The following ACSM2A variants were observed in gnomAD, a reference collection of about 807,000 sequenced individuals.
ACSM2A encodes acyl-CoA synthetase medium chain family member 2A.
Under a neutral mutation model 76.6 loss-of-function variants are expected in ACSM2A, and 72 were observed. The observed-to-expected ratio is 0.94, with a 90% CI of 0.78 to 1.14. The LOEUF is 1.14. Among genes scored for constraint, ACSM2A ranks in the 50% most tolerant of loss-of-function variants. The pLI is 0.00. For missense variants in ACSM2A, 684 were observed against 708.5 expected (o/e 0.97, Z 0.39); for synonymous variants, 249 against 255.9 (o/e 0.97, Z 0.26).
At chr16:20,458,366 A>T (rs1363556346) in intron 1 of ACSM2A, among the ~76,000 whole-genome samples, 1 of 147,330 alleles carries the variant, frequency 6.8e-6, no homozygotes, top group African/African-American at 2.5e-5. Flanking sequence ...ATATCTAGAT[A>T]TATATGTATT....
At chr16:20,473,989 A>G (rs2013573937) in intron 6 of ACSM2A, 1 of 445,786 alleles carries the variant, frequency 2.2e-6, no homozygotes, top group Non-Finnish European at 4.5e-6. Flanking sequence ...ATTGTCAACC[A>G]GAAAAATTTA....
At chr16:20,469,413 C>A (rs1724910176) in intron 3 of ACSM2A, 99 bp from the exon 4 acceptor site, 1 of 1,562,766 alleles carries the variant, frequency 6.4e-7, no homozygotes, top group African/African-American at 1.4e-5. Flanking sequence ...TCCTCATCCT[C>A]TCCTTCCCCA....
rs750906591 is a variant in ACSM2A at position 20,469,715 on chromosome 16, C to A, written c.592C>A (p.Leu198Ile). 6.2e-7 allele frequency: 1 copy of A among 1,613,722 alleles called. No individual in the cohort carries two copies. The highest frequency in any genetic ancestry group is 2.2e-5 in the East Asian group (1 of 44,866). Reference sequence around the variant, plus strand: ...TGGGTGGCTGAACTTCAAGAAACTACTAAAGTGAGTATCTACATGTCTCAG... The same window carrying A: ...TGGGTGGCTGAACTTCAAGAAACTAATAAAGTGAGTATCTACATGTCTCAG... ...CDGWLNFKKL[L>I]NEASTTHHCV... is the part of the protein sequence containing the mutation. Residue 198 changes from leucine to isoleucine, a missense_variant, in exon 4 of 14, where the codon CTA (leucine) becomes ATA (isoleucine). Leu to Ile is a conservative substitution (Grantham distance 5). Around this residue, in one of 3 missense-constraint regions of ACSM2A, gnomAD observed 519 missense variants for 549.5 expected, o/e 0.94. Coordinates refer to ENST00000573854, the MANE Select transcript of ACSM2A (RefSeq NM_001308172.2).
At chr16:20,479,419 A>G (rs1177796613) in intron 10 of ACSM2A, among the ~76,000 whole-genome samples, 4 of 152,216 alleles carry the variant, frequency 2.6e-5, no homozygotes, top group South Asian at 2.1e-4. Context: ...TAATCCTCCC[A>G]GCCACCCTAT....
intron 2 of ACSM2A, among the ~76,000 whole-genome samples, chr16:20,465,299 AC>A (rs1481105077): frequency 3.3e-5 from 5 of 152,250 alleles, no homozygotes; most frequent in Admixed American, 6.5e-5. Context: ...GCATACATTT[AC>A]AAAAATTCTG....
chr16:20,477,188 A>C, intron 8 of ACSM2A, 181 bp from the exon 9 acceptor site: 1 of 1,138,604 alleles, frequency 8.8e-7, no homozygotes, highest in African/African-American at 1.6e-5. Context: ...CAATTTAGCG[A>C]AGCCCCTAGG....
In ACSM2A at chr16:20,476,205, G is replaced by A. The variant is rs368761224; in HGVS notation, c.1098+432G>A. 10 of 1,002,044 alleles carry A rather than the reference G, an allele frequency of 1.0e-5. No homozygotes were observed. The East Asian group carries it at 7.2e-4, about 72-fold the overall frequency. 62.1% of individuals were successfully genotyped at this position (1,002,044 alleles called of 1,614,324 possible). On this transcript the variant is annotated intron_variant, in intron 8 of 13. Coordinates refer to ENST00000573854, the MANE Select transcript of ACSM2A (RefSeq NM_001308172.2). ...CTACTTAGACTGAAGTGAGGAATGG[G>A]AAGAAGAACCCACCATGACTTTACT...
chr16:20,456,947 C>T (rs933258197), intron 1 of ACSM2A, among the ~76,000 whole-genome samples: 1 of 149,896 alleles, frequency 6.7e-6, no homozygotes, highest in Non-Finnish European at 1.5e-5. Flanking sequence ...TCCAAATAAG[C>T]TCAATTAGAA....
chr16:20,486,209 C>T (rs894475109), intron 13 of ACSM2A, among the ~76,000 whole-genome samples: 1 of 152,238 alleles, frequency 6.6e-6, no homozygotes, highest in African/African-American at 2.4e-5. Flanking sequence ...CTCCATCTTA[C>T]TCAGTGGGAA....
chr16:20,483,818 G>C (rs1047325254), intron 13 of ACSM2A, among the ~76,000 whole-genome samples: 3 of 152,078 alleles, frequency 2.0e-5, no homozygotes, highest in African/African-American at 7.2e-5. Flanking sequence ...AATCTAGCTT[G>C]ACATTTATTG....
At chr16:20,473,924 T>C in intron 6 of ACSM2A, 3 of 374,090 alleles carry the variant, frequency 8.0e-6, no homozygotes, top group Non-Finnish European at 1.5e-5. Flanking sequence ...CAATTATTTA[T>C]CTTAACTAAG....
chr16:20,469,782 G>A, intron 4 of ACSM2A, 63 bp downstream of exon 4: 1 of 1,601,526 alleles, frequency 6.2e-7, no homozygotes, highest in Non-Finnish European at 8.5e-7. Flanking sequence ...CAAGCACTTA[G>A]GTGCAGGTGC....
intron 2 of ACSM2A, among the ~76,000 whole-genome samples, chr16:20,464,973 A>C (rs1350060269): frequency 1.3e-5 from 2 of 151,150 alleles, no homozygotes; most frequent in Non-Finnish European, 3.0e-5. Flanking sequence ...AAAAAAAGTA[A>C]ATAGATAGAG....
chr16:20,462,664 G>T (rs1387382866), intron 2 of ACSM2A, among the ~76,000 whole-genome samples: 1 of 152,048 alleles, frequency 6.6e-6, no homozygotes, highest in African/African-American at 2.4e-5. Flanking sequence ...TCTTTCAGGG[G>T]ATATGCGAAG....
At position 20,471,180 on chromosome 16, in the gene ACSM2A, A is replaced by C. The variant is rs765037786; in HGVS notation, c.704A>C (p.Tyr235Ser). The C allele has an allele frequency of 6.2e-7, 1 of 1,611,996 alleles. No homozygotes were observed. The highest frequency in any genetic ancestry group is 1.1e-5 in the South Asian group (1 of 90,900). The change falls in exon 5 of 14, where the codon TAC becomes TCC. Residue 235 changes from tyrosine (Y) to serine (S), a missense_variant. Tyr to Ser is a moderately radical substitution (Grantham distance 144). Coordinates refer to ENST00000573854, the MANE Select transcript of ACSM2A (RefSeq NM_001308172.2). Reference protein sequence around the residue: ...SGLPKMAEHSYSSLGLKAKMD... With the variant: ...SGLPKMAEHSSSSLGLKAKMD... The stretch of plus-strand genomic sequence containing the variant: ...CTTCCCAAGATGGCAGAACATTCCT[A>C]CTCGAGCCTGGGCCTCAAGGCCAAG...
intron 10 of ACSM2A, among the ~76,000 whole-genome samples, chr16:20,479,346 A>C (rs1373701532): frequency 1.3e-5 from 2 of 152,224 alleles, no homozygotes; most frequent in Non-Finnish European, 2.9e-5. Context: ...TCATGAGGCA[A>C]GCATTGTCCT....
intron 4 of ACSM2A, among the ~76,000 whole-genome samples, chr16:20,470,233 A>C (rs564369324): frequency 6.2e-4 from 95 of 152,298 alleles, no homozygotes; most frequent in Non-Finnish European, 1.2e-3. Flanking sequence ...CTATGACTCA[A>C]ATCAGGGGTG....
At chr16:20,462,989 A>G (rs1479421119) in intron 2 of ACSM2A, among the ~76,000 whole-genome samples, 2 of 150,414 alleles carry the variant, frequency 1.3e-5, no homozygotes, top group Non-Finnish European at 3.0e-5. Flanking sequence ...GGACAAAAAA[A>G]CCAAACACAG....
intron 4 of ACSM2A, 149 bp downstream of exon 4, chr16:20,469,868 G>T: frequency 5.4e-6 from 4 of 745,182 alleles, no homozygotes; most frequent in East Asian, 4.6e-5. Context: ...GCTAACACAA[G>T]GGTATTTTTT....
Sources: allele counts gnomAD v4.1 joint callset (sites outside exome capture counted in the v4.1 genomes callset), GRCh38; gene constraint gnomAD v4.1.1; regional missense constraint gnomAD v4.1.1; transcripts MANE v1.5; gene names NCBI Gene and HGNC (gene_info 2026-07-23, HGNC 2026-07-21).